The following AGBL4 variants were observed in gnomAD, a reference collection of about 807,000 sequenced individuals.
AGBL4 encodes the protein AGBL carboxypeptidase 4.
In AGBL4, 58 loss-of-function variants were observed where a neutral mutation model predicts 66.4. The ratio of observed to expected loss-of-function variants is 0.87; its 90% CI spans 0.71 to 1.09. The LOEUF is 1.09. Among genes scored for constraint, AGBL4 ranks in the 50% least tolerant of loss-of-function variants. The pLI, the probability that AGBL4 is intolerant of heterozygous loss-of-function variation, is 0.00. For missense variants in AGBL4, 579 were observed against 631.0 expected (o/e 0.92, Z 0.88); for synonymous variants, 234 against 222.9 (o/e 1.05, Z -0.44).
chr1:49,894,015 A>ACAG (rs1045837950), intron 1 of AGBL4, among the ~76,000 whole-genome samples: 2 of 152,194 alleles, frequency 1.3e-5, no homozygotes, highest in Non-Finnish European at 2.9e-5. Context: ...ACCAGATGGC[A>ACAG]CAGCACAAAG....
intron 1 of AGBL4, among the ~76,000 whole-genome samples, chr1:49,910,990 G>A (rs1035514548): frequency 6.6e-6 from 1 of 152,102 alleles, no homozygotes; most frequent in East Asian, 1.9e-4. Flanking sequence ...AAACAAAAAA[G>A]AAAACCAACC....
intron 3 of AGBL4, among the ~76,000 whole-genome samples, chr1:49,594,748 T>G (rs1644819367): frequency 6.6e-6 from 1 of 152,254 alleles, no homozygotes; most frequent in African/African-American, 2.4e-5. Flanking sequence ...TGCCACATTT[T>G]CTTTATCTAG....
chr1:49,986,578 C>T (rs961682930), intron 1 of AGBL4, among the ~76,000 whole-genome samples: 1 of 152,048 alleles, frequency 6.6e-6, no homozygotes, highest in Non-Finnish European at 1.5e-5. Context: ...ATAGATCCTA[C>T]CAAACTGTTT....
intron 4 of AGBL4, among the ~76,000 whole-genome samples, chr1:49,070,949 ACTT>A (rs1352830195): frequency 5.9e-5 from 9 of 151,946 alleles, no homozygotes; most frequent in Admixed American, 5.9e-4. Flanking sequence ...CAGAGATTTG[ACTT>A]CTTCCTGGTT....
chr1:48,650,240 C>G (rs1434261751), intron 8 of AGBL4, among the ~76,000 whole-genome samples: 1 of 152,234 alleles, frequency 6.6e-6, no homozygotes, highest in Non-Finnish European at 1.5e-5. Flanking sequence ...CCGCTCCTCA[C>G]AGGCCACAGA....
chr1:48,786,749 G>C (rs1430586100), intron 6 of AGBL4, among the ~76,000 whole-genome samples: 1 of 152,156 alleles, frequency 6.6e-6, no homozygotes, highest in Non-Finnish European at 1.5e-5. Context: ...TGATGGCCAA[G>C]GCATTAGAAC....
At chr1:49,880,126 G>A (rs57026770) in intron 1 of AGBL4, among the ~76,000 whole-genome samples, 10,125 of 151,822 alleles carry the variant, frequency 0.067, 1,100 homozygotes, top group African/African-American at 0.22. Flanking sequence ...GTAGCTCAGA[G>A]TAATTTGATC....
At chr1:49,427,916 A>G (rs1385695774) in intron 3 of AGBL4, among the ~76,000 whole-genome samples, 1 of 152,142 alleles carries the variant, frequency 6.6e-6, no homozygotes, top group African/African-American at 2.4e-5. Context: ...TTAGCTAGAC[A>G]CAGTGCTGAT....
At chr1:50,019,306 T>TCTCTCTCTCTCTCA (rs1167835143) in intron 1 of AGBL4, among the ~76,000 whole-genome samples, 15 of 48,432 alleles carry the variant, frequency 3.1e-4, no homozygotes, top group Non-Finnish European at 4.4e-4. Context: ...TCTCTCTCTC[T>TCTCTCTCTCTCTCA]CACACACACA....
At chr1:48,828,626 C>T (rs1158999955) in intron 6 of AGBL4, among the ~76,000 whole-genome samples, 1 of 152,048 alleles carries the variant, frequency 6.6e-6, no homozygotes, top group African/African-American at 2.4e-5. Context: ...TAAAAAATAT[C>T]ATGGAAATAA....
At chr1:49,653,171 G>A (rs1377598158) in intron 3 of AGBL4, among the ~76,000 whole-genome samples, 2 of 152,186 alleles carry the variant, frequency 1.3e-5, no homozygotes, top group East Asian at 3.9e-4. Flanking sequence ...AGGGGCAGGA[G>A]GGACCCAAGT....
At chr1:49,499,500 T>C (rs1647926588) in intron 3 of AGBL4, among the ~76,000 whole-genome samples, 1 of 151,834 alleles carries the variant, frequency 6.6e-6, no homozygotes, top group Non-Finnish European at 1.5e-5. Flanking sequence ...GTGAAGTCTT[T>C]TATCACTCAC....
At position 49,531,656 on chromosome 1, in the gene AGBL4, A is replaced by T. The variant is rs551325457; in HGVS notation, c.282+165657T>A. Among the ~76,000 whole-genome samples, 51 of 152,214 alleles carry T rather than the reference A, an allele frequency of 3.4e-4. 1 individual carries two copies. The South Asian group carries it at 9.7e-3, about 29-fold the overall frequency. ...CTCACAACAACCCTGTGATGTAGTT[A>T]TTATTATCCCTATTTACAGATAAGA... On this transcript the variant is annotated intron_variant, in intron 3 of 13. Transcript: ENST00000371839.
At chr1:48,958,818 A>G (rs79867578) in intron 5 of AGBL4, among the ~76,000 whole-genome samples, 4,343 of 152,284 alleles carry the variant, frequency 0.029, 185 homozygotes, top group African/African-American at 0.099. Context: ...GCTTGGTTCA[A>G]TGCTCTGCTG....
chr1:49,529,778 A>G (rs1294930940), intron 3 of AGBL4, among the ~76,000 whole-genome samples: 1 of 152,064 alleles, frequency 6.6e-6, no homozygotes, highest in Non-Finnish European at 1.5e-5. Flanking sequence ...CATGTGTAGG[A>G]GGCAGTTACA....
At chr1:48,693,687 A>G (rs1411121243) in intron 6 of AGBL4, among the ~76,000 whole-genome samples, 1 of 152,174 alleles carries the variant, frequency 6.6e-6, no homozygotes, top group Admixed American at 6.5e-5. Flanking sequence ...GGAAGGATCC[A>G]AGAACAAGCC....
rs1557836995 is a variant in AGBL4 at position 49,320,781 on chromosome 1, A to T, written c.283-74917T>A. On this transcript the variant is annotated intron_variant, in intron 3 of 13. Transcript: ENST00000371839. ...CACTGCTATAAAGATACTACCTGAGACTGAGTAATTTATAAAAGAAAGAGG... is the reference window on the plus strand; with the variant it reads ...CACTGCTATAAAGATACTACCTGAGTCTGAGTAATTTATAAAAGAAAGAGG... Among the ~76,000 whole-genome samples the T allele has an allele frequency of 2.0e-5, 3 of 152,148 alleles. No individual in the cohort carries two copies. In the East Asian group the frequency reaches 5.8e-4, roughly 29 times the overall value.
intron 1 of AGBL4, among the ~76,000 whole-genome samples, chr1:49,933,971 T>C (rs947814223): frequency 4.6e-5 from 7 of 152,172 alleles, no homozygotes; most frequent in African/African-American, 1.2e-4. Flanking sequence ...TGGCTGAATA[T>C]ATAATAAAAC....
chr1:49,437,627 T>C (rs1388160504), intron 3 of AGBL4, among the ~76,000 whole-genome samples: 1 of 152,196 alleles, frequency 6.6e-6, no homozygotes, highest in East Asian at 1.9e-4. Flanking sequence ...TAAGCTATGA[T>C]AAGCACTTAA....
Sources: gnomAD v4.1 joint callset for allele counts (sites outside exome capture counted in the v4.1 genomes callset) on GRCh38, gnomAD v4.1.1 for gene constraint, MANE v1.5 for transcripts, NCBI Gene and HGNC (gene_info 2026-07-23, HGNC 2026-07-21) for gene names.